The following RIMS2 variants were observed in gnomAD, a reference collection of about 807,000 sequenced individuals.
RIMS2 encodes the protein regulating synaptic membrane exocytosis 2, also known as regulating synaptic membrane exocytosis protein 2.
RIMS2 carries 59 observed loss-of-function variants against 174.4 expected under a neutral mutation model. The ratio of observed to expected loss-of-function variants is 0.34; its 90% CI spans 0.27 to 0.42. The LOEUF is 0.42. RIMS2 is among the 10% of genes least tolerant of loss of function. The probability of loss-of-function intolerance (pLI) is 1.00; values close to 1 mark genes in which losing one functional copy is unlikely to be tolerated. For synonymous variants in RIMS2, 606 were observed against 572.5 expected (o/e 1.06, Z -0.84); for missense variants, 1,620 against 1,666.3 (o/e 0.97, Z 0.48).
chr8:104,053,630 G>A (rs1336685193), intron 19 of RIMS2, among the ~76,000 whole-genome samples: 4 of 152,078 alleles, frequency 2.6e-5, no homozygotes, highest in Non-Finnish European at 5.9e-5. Flanking sequence ...AGTATAAATT[G>A]TTTTAATATG....
At chr8:104,226,932 A>G (rs1287526802) in intron 19 of RIMS2, among the ~76,000 whole-genome samples, 1 of 152,196 alleles carries the variant, frequency 6.6e-6, no homozygotes, top group Admixed American at 6.5e-5. Flanking sequence ...TTAATATGCT[A>G]TGGTCTTGAA....
intron 14 of RIMS2, among the ~76,000 whole-genome samples, chr8:103,946,112 G>T (rs1022870771): frequency 4.6e-5 from 7 of 152,092 alleles, no homozygotes; most frequent in African/African-American, 1.7e-4. Context: ...AAAACTACTA[G>T]AACTAATAAA....
rs1163323356 is a variant in RIMS2, at chr8:103,929,078, G to A, written c.2244+1189G>A. On this transcript the variant is annotated intron_variant, in intron 11 of 23. Transcript: ENST00000504942. ...AGTTTAAGGCAGTCTATTAAAAGGT[G>A]TAATTTTGGTCAAATAATTAGTAAA... is the stretch of plus-strand genomic sequence containing the variant. 8.6e-5 allele frequency among the ~76,000 whole-genome samples: 13 copies of A among 151,620 alleles called. 1 individual carries two copies. Among genetic ancestry groups the A allele is most frequent in the Admixed American group, 8.5e-4 (13 of 15,212 alleles).
chr8:103,952,786 T>G, intron 14 of RIMS2, among the ~76,000 whole-genome samples: 1 of 152,082 alleles, frequency 6.6e-6, no homozygotes, highest in East Asian at 1.9e-4. Context: ...AGAAGTCGAC[T>G]TCAGAAAGTG....
At chr8:103,933,149 C>T (rs1474642626) in intron 12 of RIMS2, among the ~76,000 whole-genome samples, 1 of 152,116 alleles carries the variant, frequency 6.6e-6, no homozygotes, top group Non-Finnish European at 1.5e-5. Flanking sequence ...AAAAGTTAGC[C>T]AGGCGTGGTG....
At chr8:104,213,354 A>G (rs893635250) in intron 19 of RIMS2, among the ~76,000 whole-genome samples, 2 of 152,148 alleles carry the variant, frequency 1.3e-5, no homozygotes, top group South Asian at 2.1e-4. Context: ...CCAAATTCCT[A>G]TCTCAATTAA....
chr8:103,563,084 G>A (rs1056687355), intron 1 of RIMS2, among the ~76,000 whole-genome samples: 1 of 152,142 alleles, frequency 6.6e-6, no homozygotes, highest in African/African-American at 2.4e-5. Flanking sequence ...GTGATGGGAG[G>A]GGCTGCAGCA....
chr8:104,058,932 C>T lies in RIMS2; in HGVS notation c.3334+44317C>T, dbSNP rs548626609. Among the ~76,000 whole-genome samples, 12 of 152,240 alleles carry T rather than the reference C, an allele frequency of 7.9e-5. No homozygotes were observed. The East Asian group carries it at 2.3e-3, about 29-fold the overall frequency. On this transcript the variant is annotated intron_variant, in intron 19 of 23. Coordinates refer to ENST00000504942, the Ensembl canonical transcript of RIMS2. Reference sequence around the variant, plus strand: ...TGTTCTGTTGCATTGGTCTATATCTCTGTTTTGGTATCAGTACCATGCTGT... The same window carrying T: ...TGTTCTGTTGCATTGGTCTATATCTTTGTTTTGGTATCAGTACCATGCTGT...
chr8:103,957,523 C>T lies in RIMS2; in HGVS notation c.2702-3542C>T, dbSNP rs1023184944. On this transcript the variant is annotated intron_variant, in intron 14 of 23. Coordinates refer to ENST00000504942, the Ensembl canonical transcript of RIMS2. ...AACACAAGAACAGAAAATGAAACACCGCATGTTCTCATTCATAACTGGGAG... is the reference window on the plus strand; with the variant it reads ...AACACAAGAACAGAAAATGAAACACTGCATGTTCTCATTCATAACTGGGAG... 5.9e-5 allele frequency among the ~76,000 whole-genome samples: 9 copies of T among 152,200 alleles called. No homozygotes were observed. The South Asian group carries it at 1.2e-3, about 21-fold the overall frequency.
intron 3 of RIMS2, among the ~76,000 whole-genome samples, chr8:103,867,531 G>A (rs1184652265): frequency 6.6e-6 from 1 of 151,788 alleles, no homozygotes; most frequent in African/African-American, 2.4e-5. Context: ...AGAATGCAAG[G>A]AGTTAGTCTT....
At chr8:104,172,112 A>T (rs920618767) in intron 19 of RIMS2, among the ~76,000 whole-genome samples, 2 of 152,142 alleles carry the variant, frequency 1.3e-5, no homozygotes, top group Admixed American at 6.5e-5. Context: ...TACTGAGTTG[A>T]TGATTCAGGC....
intron 1 of RIMS2, among the ~76,000 whole-genome samples, chr8:103,668,142 A>C (rs2096697619): frequency 2.6e-5 from 4 of 152,234 alleles, no homozygotes; most frequent in African/African-American, 9.6e-5. Flanking sequence ...TAGGCCTTCC[A>C]GTGACTATTT....
intron 1 of RIMS2, among the ~76,000 whole-genome samples, chr8:103,674,211 A>G (rs2096780553): frequency 6.6e-6 from 1 of 152,178 alleles, no homozygotes; most frequent in Non-Finnish European, 1.5e-5. Flanking sequence ...TCAGTCCCTA[A>G]GAAGTTCCAA....
rs540645456 is a variant in RIMS2, at chr8:103,518,214, A to G, written c.176+17152A>G. 1.3e-4 allele frequency among the ~76,000 whole-genome samples: 20 copies of G among 152,246 alleles called. No homozygotes were observed. In the South Asian group the frequency reaches 2.9e-3, roughly 22 times the overall value. On this transcript the variant is annotated intron_variant, in intron 1 of 23. Coordinates refer to ENST00000504942, the Ensembl canonical transcript of RIMS2. ...AGATTGACACTTTATAAAATTCAAA[A>G]AATGATTTGTAAGTTATTAGAATGA...
At chr8:103,904,978 G>T (rs1483136638) in intron 4 of RIMS2, among the ~76,000 whole-genome samples, 1 of 151,838 alleles carries the variant, frequency 6.6e-6, no homozygotes, top group East Asian at 1.9e-4. Flanking sequence ...CCTTGTATTG[G>T]TGCTGACGTT....
chr8:103,705,317 T>C (rs2097211844), intron 2 of RIMS2, among the ~76,000 whole-genome samples: 1 of 152,110 alleles, frequency 6.6e-6, no homozygotes, highest in African/African-American at 2.4e-5. Context: ...ATACCTGATA[T>C]GATTTTTACT....
At chr8:104,030,971 A>G (rs1049324561) in intron 19 of RIMS2, among the ~76,000 whole-genome samples, 1 of 152,150 alleles carries the variant, frequency 6.6e-6, no homozygotes, top group Non-Finnish European at 1.5e-5. Context: ...GTACCCAGAC[A>G]TGCCTGGATT....
chr8:103,918,716 T>C, intron 9 of RIMS2: 1 of 489,250 alleles, frequency 2.0e-6, no homozygotes, highest in Non-Finnish European at 3.7e-6. Context: ...GATTTTTAGA[T>C]AGCATTATTA....
At chr8:103,932,472 CTGTT>C (rs1425387721) in intron 12 of RIMS2, among the ~76,000 whole-genome samples, 1 of 152,108 alleles carries the variant, frequency 6.6e-6, no homozygotes, top group African/African-American at 2.4e-5. Context: ...TTATTAGAAA[CTGTT>C]TGCTATATAA....
Sources: gnomAD v4.1 joint callset for allele counts (sites outside exome capture counted in the v4.1 genomes callset) on GRCh38, gnomAD v4.1.1 for gene constraint, MANE v1.5 for transcripts, NCBI Gene and HGNC (gene_info 2026-07-23, HGNC 2026-07-21) for gene names.